SLAIN1: variants seen among roughly 807,000 people sequenced by gnomAD.
SLAIN1 encodes the protein SLAIN motif-containing protein 1.
Under a neutral mutation model 55.4 loss-of-function variants are expected in SLAIN1, and 17 were observed. That is an observed-to-expected ratio of 0.31 (90% confidence interval 0.21 to 0.46). The LOEUF is 0.46. Ranked by LOEUF, SLAIN1 falls within the 20% of genes least tolerant of loss-of-function variation. The pLI is 1.00. For missense variants in SLAIN1, 682 were observed against 785.1 expected, an observed-to-expected ratio of 0.87 and a Z score of 1.57; for synonymous variants, 348 against 337.4, an observed-to-expected ratio of 1.03 and a Z score of -0.35.
At chr13:77,731,620 G>C (rs1872863023) in intron 2 of SLAIN1, among the ~76,000 whole-genome samples, 1 of 152,130 alleles carries the variant, frequency 6.6e-6, no homozygotes, top group Non-Finnish European at 1.5e-5. Flanking sequence ...TCACCTGGTA[G>C]TTGTGTTCTA....
intron 5 of SLAIN1, among the ~76,000 whole-genome samples, chr13:77,760,183 T>G (rs74098804): frequency 1.3e-5 from 2 of 152,170 alleles, no homozygotes; most frequent in African/African-American, 4.8e-5. Context: ...ATTTAAAAAC[T>G]TCTGCCTACC....
intron 2 of SLAIN1, among the ~76,000 whole-genome samples, chr13:77,724,742 T>G (rs2091292271): frequency 6.8e-6 from 1 of 146,854 alleles, no homozygotes; most frequent in Non-Finnish European, 1.5e-5. Context: ...TAAAGCATTT[T>G]TCTTTTTTTT....
Position 77,706,798 on chromosome 13 carries a change from C to A in SLAIN1, c.626+8259C>A, listed in dbSNP as rs1466962023. On this transcript the variant is annotated intron_variant, in intron 1 of 6. Transcript: ENST00000418532. ...CATTGTTCTGCCCTTACATAAGATT[C>A]ATAGTTGGACTGGCTATAAAAGTCT... 2.0e-5 allele frequency among the ~76,000 whole-genome samples: 3 copies of A among 152,308 alleles called. No individual in the cohort carries two copies. In the South Asian group the frequency reaches 6.2e-4, roughly 32 times the overall value.
intron 4 of SLAIN1, among the ~76,000 whole-genome samples, chr13:77,752,820 G>T (rs569447379): frequency 6.6e-6 from 1 of 152,310 alleles, no homozygotes; most frequent in East Asian, 1.9e-4. Context: ...GCATTCTTCT[G>T]CGCTTTTATC....
intron 2 of SLAIN1, among the ~76,000 whole-genome samples, chr13:77,743,959 A>G (rs774868513): frequency 1.3e-5 from 2 of 152,072 alleles, no homozygotes; most frequent in Non-Finnish European, 2.9e-5. Context: ...TACATATCTA[A>G]TAGGATGTAG....
At chr13:77,725,673 G>T (rs1262067269) in intron 2 of SLAIN1, among the ~76,000 whole-genome samples, 1 of 152,204 alleles carries the variant, frequency 6.6e-6, no homozygotes, top group Non-Finnish European at 1.5e-5. Context: ...GGGCATAGCT[G>T]TGAGGAGCCA....
chr13:77,738,821 A>G (rs1873266117), intron 2 of SLAIN1, among the ~76,000 whole-genome samples: 1 of 152,098 alleles, frequency 6.6e-6, no homozygotes, highest in South Asian at 2.1e-4. Flanking sequence ...CGTGTACAGT[A>G]GAATGTATCG....
At chr13:77,761,742 T>C (rs77041455) in intron 6 of SLAIN1, among the ~76,000 whole-genome samples, 3 of 152,236 alleles carry the variant, frequency 2.0e-5, no homozygotes, top group South Asian at 2.1e-4. Flanking sequence ...TTTTTTTTTT[T>C]CCCTTCAAAG....
At chr13:77,700,865 CATAGATGTAGGT>C (rs1325126814) in intron 1 of SLAIN1, among the ~76,000 whole-genome samples, 1 of 152,038 alleles carries the variant, frequency 6.6e-6, no homozygotes, top group Admixed American at 6.6e-5. Context: ...AAAACTAAAA[CATAGATGTAGGT>C]ATAAGGTCAC....
At chr13:77,734,115 C>T (rs574333940) in intron 2 of SLAIN1, among the ~76,000 whole-genome samples, 9 of 152,002 alleles carry the variant, frequency 5.9e-5, no homozygotes, top group Admixed American at 2.6e-4. Flanking sequence ...GCTCTAAATA[C>T]GTAAAGATAT....
At chr13:77,761,157 A>G in intron 6 of SLAIN1, 47 bp downstream of exon 6, 2 of 1,585,872 alleles carry the variant, frequency 1.3e-6, no homozygotes, top group South Asian at 1.1e-5. Flanking sequence ...TGGAACTAGA[A>G]ACTGCTCCAG....
chr13:77,762,426 T>G lies in SLAIN1; in HGVS notation c.1698-719T>G, dbSNP rs144111073. 2.0e-3 allele frequency among the ~76,000 whole-genome samples: 299 copies of G among 152,326 alleles called. 3 individuals are homozygous for G. Among genetic ancestry groups the G allele is most frequent in the African/African-American group, 6.9e-3 (287 of 41,570 alleles). Reference sequence around the variant, plus strand: ...TTAAATTTTTTATTTTATCTATTCTTTTTAGAGACAGGGTCTTGCTCTTTT... The same window carrying G: ...TTAAATTTTTTATTTTATCTATTCTGTTTAGAGACAGGGTCTTGCTCTTTT... On this transcript the variant is annotated intron_variant, in intron 6 of 6. Transcript: ENST00000418532.
intron 2 of SLAIN1, among the ~76,000 whole-genome samples, chr13:77,726,769 T>C (rs757473416): frequency 2.5e-4 from 38 of 152,232 alleles, no homozygotes; most frequent in Non-Finnish European, 4.9e-4. Context: ...TTTTCCAAGC[T>C]GATCTTTTAA....
At chr13:77,758,384 T>A (rs1874758437) in intron 5 of SLAIN1, among the ~76,000 whole-genome samples, 2 of 152,116 alleles carry the variant, frequency 1.3e-5, no homozygotes, top group Admixed American at 6.5e-5. Context: ...GTTATCTGTT[T>A]ACTCACTGAT....
chr13:77,709,411 CACA>C (rs2091123697), intron 1 of SLAIN1, among the ~76,000 whole-genome samples: 3 of 152,026 alleles, frequency 2.0e-5, no homozygotes, highest in Non-Finnish European at 2.9e-5. Context: ...ATACACAGAA[CACA>C]ACAAAGATAC....
chr13:77,734,851 C>T (rs896066897), intron 2 of SLAIN1, among the ~76,000 whole-genome samples: 1 of 151,942 alleles, frequency 6.6e-6, no homozygotes, highest in Admixed American at 6.6e-5. Context: ...GAAACCCCCT[C>T]TCTACTAAAA....
At chr13:77,762,325 G>A (rs1310054730) in intron 6 of SLAIN1, among the ~76,000 whole-genome samples, 1 of 152,198 alleles carries the variant, frequency 6.6e-6, no homozygotes, top group African/African-American at 2.4e-5. Flanking sequence ...AAAGGTCACT[G>A]CTAGACAATG....
At chr13:77,727,778 A>G (rs2091321986) in intron 2 of SLAIN1, among the ~76,000 whole-genome samples, 1 of 152,244 alleles carries the variant, frequency 6.6e-6, no homozygotes, top group African/African-American at 2.4e-5. Context: ...AAGTGGGGAC[A>G]TTTAGCAGAT....
chr13:77,749,527 T>C (rs747036575), intron 4 of SLAIN1, among the ~76,000 whole-genome samples: 2 of 152,144 alleles, frequency 1.3e-5, no homozygotes, highest in Non-Finnish European at 2.9e-5. Flanking sequence ...TAAAGATTCC[T>C]GAGTCTTTGT....
Sources: gnomAD v4.1 joint callset for allele counts (sites outside exome capture counted in the v4.1 genomes callset) on GRCh38, gnomAD v4.1.1 for gene constraint, MANE v1.5 for transcripts, NCBI Gene and HGNC (gene_info 2026-07-23, HGNC 2026-07-21) for gene names.